Variants in FAM135A observed in about 807,000 individuals in gnomAD.
The protein encoded by FAM135A is protein FAM135A.
FAM135A carries 79 observed loss-of-function variants against 146.8 expected under a neutral mutation model. The ratio of observed to expected loss-of-function variants is 0.54; its 90% CI spans 0.45 to 0.65. FAM135A has a LOEUF of 0.65. FAM135A is among the 30% of genes least tolerant of loss of function. The pLI is 0.00. For synonymous variants in FAM135A, 562 were observed against 603.6 expected (o/e 0.93, Z 1.01); for missense variants, 1,623 against 1,758.2 (o/e 0.92, Z 1.38).
intron 10 of FAM135A, among the ~76,000 whole-genome samples, chr6:70,483,919 A>C (rs948733466): frequency 1.1e-4 from 16 of 152,234 alleles, no homozygotes; most frequent in African/African-American, 3.9e-4. Context: ...TCACTTACTT[A>C]CTTTGAGCCT....
intron 12 of FAM135A, among the ~76,000 whole-genome samples, chr6:70,522,209 G>T (rs553233468): frequency 5.9e-5 from 9 of 152,172 alleles, no homozygotes; most frequent in African/African-American, 2.2e-4. Context: ...GAGGCACCAC[G>T]CCTGGCCCAT....
intron 11 of FAM135A, among the ~76,000 whole-genome samples, chr6:70,502,426 T>C (rs1431746328): frequency 6.6e-6 from 1 of 151,140 alleles, no homozygotes; most frequent in African/African-American, 2.5e-5. Flanking sequence ...ATTGGTTAAG[T>C]TGTTGAAAAT....
intron 10 of FAM135A, among the ~76,000 whole-genome samples, chr6:70,490,426 A>C (rs1442916359): frequency 6.6e-6 from 1 of 152,052 alleles, no homozygotes; most frequent in Non-Finnish European, 1.5e-5. Context: ...AAATTTGTGC[A>C]CCTCTTTATA....
intron 7 of FAM135A, 116 bp downstream of exon 7, chr6:70,475,849 T>G: frequency 1.3e-6 from 1 of 790,190 alleles, no homozygotes; most frequent in South Asian, 1.9e-5. Flanking sequence ...TTGAACTACT[T>G]GTGTTTTCTG....
rs1416092015 is a variant in FAM135A at position 70,475,401 on chromosome 6, C to G, written c.158-9C>G. 6.4e-7 allele frequency: 1 copy of G among 1,553,948 alleles called. No homozygotes were observed. The highest frequency in any genetic ancestry group is 8.7e-7 in the Non-Finnish European group (1 of 1,153,184). On this transcript the variant is annotated splice_polypyrimidine_tract_variant and intron_variant, in intron 5 of 21. Transcript: ENST00000418814. ...TTTATCTGTCAATTACATATCTTAT[C>G]TGTTTTAGGTATGACTTTAGCCTTT...
chr6:70,497,599 C>T (rs913467636), intron 11 of FAM135A, among the ~76,000 whole-genome samples: 2 of 152,140 alleles, frequency 1.3e-5, no homozygotes, highest in Non-Finnish European at 2.9e-5. Context: ...ATGCTTCCAG[C>T]TTTTGCCCAT....
At chr6:70,527,639 A>G (rs1795017077) in intron 15 of FAM135A, among the ~76,000 whole-genome samples, 1 of 152,134 alleles carries the variant, frequency 6.6e-6, no homozygotes, top group South Asian at 2.1e-4. Flanking sequence ...TTCCAGCTTC[A>G]CTTTATCAGT....
At chr6:70,447,668 A>G (rs1776077530) in intron 4 of FAM135A, among the ~76,000 whole-genome samples, 1 of 152,224 alleles carries the variant, frequency 6.6e-6, no homozygotes, top group Non-Finnish European at 1.5e-5. Context: ...TGGGCCCCTC[A>G]TGGCGTTTCC....
Position 70,426,613 on chromosome 6 carries a change from T to G in FAM135A, c.-40+81T>G, listed in dbSNP as rs561441739. 21 of 152,338 alleles carry G rather than the reference T, an allele frequency of 1.4e-4. 1 individual carries two copies. The East Asian group carries it at 4.0e-3, about 29-fold the overall frequency. 9.4% of individuals were successfully genotyped at this position (152,338 alleles called of 1,614,324 possible). On this transcript the variant is annotated intron_variant, in intron 3 of 21. Coordinates refer to ENST00000418814, the MANE Select transcript of FAM135A (RefSeq NM_001162529.3). ...TTTCTATGAAGAACTGCTTCAAGAA[T>G]TGGGAAGGGTCTGAGATTTTACCCC... is the stretch of plus-strand genomic sequence containing the variant.
chr6:70,527,073 A>G lies in FAM135A; in HGVS notation c.3614+375A>G, dbSNP rs111400234. Among the ~76,000 whole-genome samples, 642 of 152,062 alleles carry G rather than the reference A, an allele frequency of 4.2e-3. 3 individuals carry two copies. Among genetic ancestry groups the G allele is most frequent in the African/African-American group, 0.015 (606 of 41,520 alleles). On this transcript the variant is annotated intron_variant, in intron 15 of 21. Transcript: ENST00000418814. ...AAAACCCTTTTTTCATCAGTCCCTCATTTCTCCTCCATTAACTTCCAGACA... is the reference window on the plus strand; with the variant it reads ...AAAACCCTTTTTTCATCAGTCCCTCGTTTCTCCTCCATTAACTTCCAGACA...
intron 21 of FAM135A, among the ~76,000 whole-genome samples, chr6:70,558,318 T>G (rs1801293944): frequency 6.6e-6 from 1 of 152,238 alleles, no homozygotes; most frequent in East Asian, 1.9e-4. Context: ...ACCTGTCTTC[T>G]GAAATTTAAT....
intron 11 of FAM135A, among the ~76,000 whole-genome samples, chr6:70,498,461 G>T (rs866067681): frequency 1.3e-5 from 2 of 151,758 alleles, no homozygotes; most frequent in Non-Finnish European, 2.9e-5. Flanking sequence ...AAGGTTTTTC[G>T]TGTCTCTATC....
chr6:70,445,042 C>A (rs1372252415), intron 4 of FAM135A, among the ~76,000 whole-genome samples: 1 of 152,100 alleles, frequency 6.6e-6, no homozygotes. Flanking sequence ...TGTGCATATT[C>A]TTTAACTAAA....
intron 12 of FAM135A, chr6:70,513,436 G>T: frequency 7.2e-6 from 1 of 138,668 alleles, no homozygotes; most frequent in Non-Finnish European, 1.5e-5. Flanking sequence ...TTTACATTAA[G>T]TAAAATCTAT....
intron 5 of FAM135A, among the ~76,000 whole-genome samples, chr6:70,456,713 C>G (rs1039439811): frequency 6.6e-6 from 1 of 152,210 alleles, no homozygotes; most frequent in Non-Finnish European, 1.5e-5. Flanking sequence ...GTGACTTCCT[C>G]TTTTAGTAGT....
At chr6:70,428,546 C>A (rs906175476) in intron 4 of FAM135A, 127 bp downstream of exon 4, 25 of 526,274 alleles carry the variant, frequency 4.8e-5, no homozygotes, top group Non-Finnish European at 7.0e-5. Flanking sequence ...TAATTATTTT[C>A]TCAGATAAAT....
intron 12 of FAM135A, among the ~76,000 whole-genome samples, chr6:70,519,101 G>A (rs1031501443): frequency 6.6e-6 from 1 of 152,178 alleles, no homozygotes; most frequent in Non-Finnish European, 1.5e-5. Context: ...CAAGGAAGGA[G>A]GTCAAAATAT....
At chr6:70,534,311 A>ATTTTTTTTTTT (rs1406546058) in intron 18 of FAM135A, among the ~76,000 whole-genome samples, 1 of 106,812 alleles carries the variant, frequency 9.4e-6, no homozygotes, top group Non-Finnish European at 1.9e-5. Flanking sequence ...AAGTTTGTAT[A>ATTTTTTTTTTT]CTTTTTTTTT....
chr6:70,532,948 A>G (rs898170734), intron 16 of FAM135A, among the ~76,000 whole-genome samples: 2 of 152,212 alleles, frequency 1.3e-5, no homozygotes, highest in East Asian at 3.9e-4. Context: ...AAAAAGAAAG[A>G]AAAAAGAAAA....
Sources: gnomAD v4.1 joint callset for allele counts (sites outside exome capture counted in the v4.1 genomes callset) on GRCh38, gnomAD v4.1.1 for gene constraint, MANE v1.5 for transcripts, NCBI Gene and HGNC (gene_info 2026-07-23, HGNC 2026-07-21) for gene names.